MYO16: variants seen among roughly 807,000 people sequenced by gnomAD.
MYO16 encodes myosin XVI, also known as unconventional myosin-XVI.
MYO16 carries 94 observed loss-of-function variants against 205.3 expected under a neutral mutation model. The observed-to-expected ratio is 0.46, with a 90% CI of 0.39 to 0.54. The LOEUF (loss-of-function observed/expected upper bound fraction) is 0.54. Among genes scored for constraint, MYO16 ranks in the 20% least tolerant of loss-of-function variants. The pLI, the probability that MYO16 is intolerant of heterozygous loss-of-function variation, is 0.00. For missense variants in MYO16, 2,315 were observed against 2,387.5 expected (o/e 0.97, Z 0.63); for synonymous variants, 988 against 954.0 (o/e 1.04, Z -0.66).
intron 24 of MYO16, 126 bp from the exon 25 acceptor site, chr13:109,052,174 C>A (rs1406575580): frequency 2.7e-6 from 2 of 754,658 alleles, no homozygotes; most frequent in African/African-American, 1.8e-5. Context: ...ACTCCTCAAT[C>A]TGCTGAACGA....
chr13:108,975,220 G>A (rs1884208650), intron 20 of MYO16, among the ~76,000 whole-genome samples: 1 of 150,916 alleles, frequency 6.6e-6, no homozygotes, highest in Admixed American at 6.6e-5. Context: ...GGCCACTATT[G>A]CGGTCTTCAG....
intron 9 of MYO16, among the ~76,000 whole-genome samples, chr13:108,836,227 C>T (rs75930697): frequency 0.025 from 3,832 of 152,290 alleles, 127 homozygotes; most frequent in East Asian, 0.11. Context: ...TTGGGCCTTG[C>T]TTCGGAGGGT....
At chr13:108,861,881 G>C (rs1019713187) in intron 11 of MYO16, among the ~76,000 whole-genome samples, 1 of 151,612 alleles carries the variant, frequency 6.6e-6, no homozygotes, top group East Asian at 1.9e-4. Context: ...TTTTCTTCCA[G>C]TTTATGGCTT....
intron 11 of MYO16, among the ~76,000 whole-genome samples, chr13:108,863,234 A>C (rs192915633): frequency 2.0e-5 from 3 of 152,242 alleles, no homozygotes; most frequent in East Asian, 3.9e-4. Context: ...CACTAAAAAG[A>C]CTGGAAGTGT....
At chr13:109,118,490 T>C (rs1875832943) in intron 28 of MYO16, among the ~76,000 whole-genome samples, 1 of 152,230 alleles carries the variant, frequency 6.6e-6, no homozygotes, top group Admixed American at 6.5e-5. Flanking sequence ...TTTAGGCATG[T>C]TGCTCTCCTT....
chr13:109,191,610 G>A lies in MYO16; in HGVS notation c.5415+11977G>A, dbSNP rs190677883. The stretch of plus-strand genomic sequence containing the variant: ...GTCAGGGCAGAGTGTTCTAGGCAAA[G>A]GGAGCAGCCAAGGCCCTGAGGTAGG... On this transcript the variant is annotated intron_variant, in intron 34 of 34. Transcript: ENST00000457511. Among the ~76,000 whole-genome samples the A allele has an allele frequency of 5.8e-3, 886 of 152,212 alleles. 32 individuals carry two copies. The highest frequency in any genetic ancestry group is 1.5e-3 in the Non-Finnish European group (99 of 68,008).
chr13:109,117,482 G>GTA (rs982026845), intron 28 of MYO16, among the ~76,000 whole-genome samples: 2 of 146,898 alleles, frequency 1.4e-5, no homozygotes, highest in Admixed American at 6.9e-5. Flanking sequence ...GTATGTATAT[G>GTA]TATATATATG....
chr13:109,019,141 G>A (rs1031760954), intron 22 of MYO16, among the ~76,000 whole-genome samples: 1 of 151,652 alleles, frequency 6.6e-6, no homozygotes, highest in Non-Finnish European at 1.5e-5. Flanking sequence ...GCTAATTTCT[G>A]TATTATTATT....
chr13:109,173,952 G>GC lies in MYO16; in HGVS notation c.5324-5590_5324-5589insC, dbSNP rs200796401. Among the ~76,000 whole-genome samples the GC allele has an allele frequency of 2.0e-3, 288 of 147,394 alleles. 4 individuals are homozygous for GC. Among genetic ancestry groups the GC allele is most frequent in the African/African-American group, 7.0e-3 (273 of 39,052 alleles). On this transcript the variant is annotated intron_variant, in intron 33 of 34. Transcript: ENST00000457511. ...AAGGGTTGTCCTTGTTTTGATGGGGGGGGGTACTCTCTGCTGTTTTGGAAA... is the reference window on the plus strand; with the variant it reads ...AAGGGTTGTCCTTGTTTTGATGGGGGCGGGGTACTCTCTGCTGTTTTGGAAA...
chr13:109,046,337 T>A (rs1455611193), intron 23 of MYO16, among the ~76,000 whole-genome samples: 2 of 152,194 alleles, frequency 1.3e-5, no homozygotes, highest in Non-Finnish European at 2.9e-5. Context: ...TCTTCAAAGA[T>A]CAAGTTTCTC....
chr13:108,507,980 A>T, the MYO16 span, among the ~76,000 whole-genome samples: 2 of 150,934 alleles, frequency 1.3e-5, no homozygotes, highest in African/African-American at 2.4e-5. Context: ...AAGTCCAGAA[A>T]TTTTTTTTTA....
At chr13:108,545,142 C>T in the MYO16 span, among the ~76,000 whole-genome samples, 4 of 152,054 alleles carry the variant, frequency 2.6e-5, no homozygotes, top group South Asian at 2.1e-4. Context: ...GTTTTTTCAA[C>T]GCTCACCTGC....
At chr13:109,200,820 A>G (rs1299435347) in intron 34 of MYO16, among the ~76,000 whole-genome samples, 1 of 151,742 alleles carries the variant, frequency 6.6e-6, no homozygotes, top group African/African-American at 2.4e-5. Context: ...TGTTCCTGTT[A>G]TGAAGGTTAA....
In MYO16 at chr13:109,039,182, C is replaced by T. The variant is rs111586236; in HGVS notation, c.2797-7734C>T. Among the ~76,000 whole-genome samples, 408 of 152,288 alleles carry T rather than the reference C, an allele frequency of 2.7e-3. 3 individuals are homozygous for T. The highest frequency in any genetic ancestry group is 9.4e-3 in the African/African-American group (389 of 41,568). ...GACCTAGACATCTACTCTGACAAGG[C>T]AGTAGTGAGGCTGTGCCTTCCTTCT... On this transcript the variant is annotated intron_variant, in intron 23 of 34. Coordinates refer to ENST00000457511, the MANE Select transcript of MYO16 (RefSeq NM_001198950.3).
At chr13:109,044,086 A>T (rs1350108025) in intron 23 of MYO16, among the ~76,000 whole-genome samples, 1 of 152,188 alleles carries the variant, frequency 6.6e-6, no homozygotes, top group Non-Finnish European at 1.5e-5. Context: ...TTACAGTCAG[A>T]TCCAATGATT....
At chr13:109,056,671 T>TA (rs1264500464) in intron 27 of MYO16, among the ~76,000 whole-genome samples, 10 of 152,094 alleles carry the variant, frequency 6.6e-5, no homozygotes, top group African/African-American at 2.4e-4. Context: ...TACAAAGTGT[T>TA]ACAGAAGCAT....
At chr13:109,170,170 A>C (rs1436725130) in intron 33 of MYO16, among the ~76,000 whole-genome samples, 2 of 152,162 alleles carry the variant, frequency 1.3e-5, no homozygotes, top group Non-Finnish European at 2.9e-5. Flanking sequence ...TATTTTTAAC[A>C]CATTTACCCA....
At chr13:108,999,806 G>A (rs764827200) in intron 21 of MYO16, among the ~76,000 whole-genome samples, 7 of 152,168 alleles carry the variant, frequency 4.6e-5, no homozygotes, top group African/African-American at 1.2e-4. Context: ...CAGTTCCAAA[G>A]GTTCTTAGAA....
At chr13:108,516,920 A>ATGTTTTGTTTTGTTG in the MYO16 span, among the ~76,000 whole-genome samples, 1 of 151,124 alleles carries the variant, frequency 6.6e-6, no homozygotes, top group African/African-American at 2.4e-5. Context: ...TTGAGTAATT[A>ATGTTTTGTTTTGTTG]TGTTTTGTTT....
Sources: allele counts gnomAD v4.1 joint callset (sites outside exome capture counted in the v4.1 genomes callset), GRCh38; gene constraint gnomAD v4.1.1; transcripts MANE v1.5; gene names NCBI Gene and HGNC (gene_info 2026-07-23, HGNC 2026-07-21).